Variants in MCOLN2 observed in about 807,000 individuals in gnomAD.
MCOLN2 encodes the protein mucolipin TRP cation channel 2.
A neutral mutation model predicts 67.5 loss-of-function variants in MCOLN2; 57 were observed. That is an observed-to-expected ratio of 0.84 (90% CI 0.68 to 1.05). The LOEUF (loss-of-function observed/expected upper bound fraction) is 1.05, where lower values mean the gene tolerates loss of function less well. MCOLN2 is among the 50% of genes least tolerant of loss of function. MCOLN2 has a pLI of 0.00. For missense variants in MCOLN2, 620 were observed against 678.8 expected (o/e 0.91, Z 0.96); for synonymous variants, 246 against 233.3 (o/e 1.05, Z -0.50).
At chr1:84,939,455 G>A (rs1352090097) in intron 9 of MCOLN2, 98 bp downstream of exon 9, 6 of 1,209,286 alleles carry the variant, frequency 5.0e-6, no homozygotes, top group African/African-American at 3.1e-5. Context: ...GGGAAGACAC[G>A]AGAATCAAAG....
rs145960321 is a variant in MCOLN2 at position 84,971,591 on chromosome 1, CAAAGT to C, written c.78-5888_78-5884del. Among the ~76,000 whole-genome samples, 600 of 150,256 alleles carry C rather than the reference CAAAGT, an allele frequency of 4.0e-3. 2 individuals are homozygous for C. The highest frequency in any genetic ancestry group is 0.014 in the African/African-American group (560 of 40,808). ...AAAATAAAATGGTATAAAAATGGTG[CAAAGT>C]AAAGAGGGAAAAAAATTTTAAAACA... On this transcript the variant is annotated intron_variant, in intron 1 of 13. Transcript: ENST00000370608.
chr1:84,987,325 GATAT>G (rs1216684750), intron 1 of MCOLN2, among the ~76,000 whole-genome samples: 17 of 133,776 alleles, frequency 1.3e-4, no homozygotes, highest in Non-Finnish European at 1.9e-4. Context: ...TATGTATATA[GATAT>G]ATAGATATAT....
intron 1 of MCOLN2, among the ~76,000 whole-genome samples, chr1:84,980,339 G>T (rs1650194739): frequency 1.3e-5 from 2 of 151,842 alleles, no homozygotes; most frequent in African/African-American, 4.8e-5. Context: ...GAACCACAAA[G>T]AACCCAGAAT....
intron 7 of MCOLN2, among the ~76,000 whole-genome samples, chr1:84,941,370 G>A (rs1025930911): frequency 3.9e-5 from 6 of 152,126 alleles, no homozygotes; most frequent in Non-Finnish European, 5.9e-5. Flanking sequence ...GGTGGCAGGC[G>A]CCTGTAGTCC....
chr1:84,952,401 TC>T lies in MCOLN2; in HGVS notation c.650+44del, dbSNP rs369522751. 2.6e-6 allele frequency: 4 copies of T among 1,567,408 alleles called. No homozygotes were observed. In the African/African-American group the frequency reaches 4.1e-5, roughly 16 times the overall value. On this transcript the variant is annotated intron_variant, in intron 5 of 13. Coordinates refer to ENST00000370608, the MANE Select transcript of MCOLN2 (RefSeq NM_153259.4). The stretch of plus-strand genomic sequence containing the variant: ...ATCTTACTATATACTATTCTCCTTC[TC>T]CCACCCTCATCTCTTAGGGAATAAC...
chr1:84,971,499 TACACAC>T (rs71097870), intron 1 of MCOLN2, among the ~76,000 whole-genome samples: 19,386 of 132,156 alleles, frequency 0.15, 1,325 homozygotes, highest in East Asian at 0.22. Context: ...TAAACAGACA[TACACAC>T]ACACACACAC....
intron 1 of MCOLN2, among the ~76,000 whole-genome samples, chr1:84,966,532 T>C (rs757497139): frequency 6.6e-6 from 1 of 152,216 alleles, no homozygotes; most frequent in Admixed American, 6.5e-5. Flanking sequence ...TAGATTGTTA[T>C]GGAAGAAGAG....
At chr1:84,989,607 T>C (rs1030673548) in intron 1 of MCOLN2, among the ~76,000 whole-genome samples, 3 of 152,110 alleles carry the variant, frequency 2.0e-5, no homozygotes, top group Non-Finnish European at 2.9e-5. Context: ...TAGTATAATA[T>C]ATAGGATTTT....
chr1:84,952,577 G>A (rs1557643606), intron 4 of MCOLN2, 47 bp from the exon 5 acceptor site: 2 of 1,274,750 alleles, frequency 1.6e-6, no homozygotes, highest in Non-Finnish European at 2.3e-6. Context: ...GCAAGAATTA[G>A]GTGCTAAAAC....
At chr1:84,958,409 C>A in intron 3 of MCOLN2, 120 bp downstream of exon 3, 1 of 726,220 alleles carries the variant, frequency 1.4e-6, no homozygotes, top group Non-Finnish European at 2.1e-6. Context: ...CATTTTTTGG[C>A]AGACTGCAAA....
intron 1 of MCOLN2, among the ~76,000 whole-genome samples, chr1:84,982,128 G>A (rs1650291276): frequency 6.7e-6 from 1 of 149,984 alleles, no homozygotes; most frequent in Admixed American, 6.6e-5. Flanking sequence ...AAAAGAAGCT[G>A]GGGTGGGGGG....
intron 3 of MCOLN2, among the ~76,000 whole-genome samples, chr1:84,957,730 T>C (rs1648868900): frequency 6.6e-6 from 1 of 152,214 alleles, no homozygotes; most frequent in East Asian, 1.9e-4. Flanking sequence ...GTTTTTTGTG[T>C]GGTATTCTCA....
intron 13 of MCOLN2, among the ~76,000 whole-genome samples, chr1:84,927,426 T>C (rs940463951): frequency 6.6e-6 from 1 of 152,202 alleles, no homozygotes; most frequent in Non-Finnish European, 1.5e-5. Flanking sequence ...CACATCGCTT[T>C]AGAACTGGAA....
At chr1:84,951,157 C>T (rs76624861) in intron 6 of MCOLN2, among the ~76,000 whole-genome samples, 7,451 of 152,210 alleles carry the variant, frequency 0.049, 248 homozygotes, top group Non-Finnish European at 0.074. Flanking sequence ...ACTTTTATTT[C>T]GTTTACTTGT....
rs756719527 is a variant in MCOLN2, at chr1:84,931,413, C to T, written c.1491G>A (p.Met497Ile). The T allele has an allele frequency of 6.3e-7, 1 of 1,597,450 alleles. No homozygotes were observed. The highest frequency in any genetic ancestry group is 2.2e-5 in the East Asian group (1 of 44,758). ...LYSFISLFIY[M>I]ILSLFIALIT... ...TAAGTGCAATAAAAAGACTGAGAAT[C>T]ATATATATAAAAAGGCTGATGAAGG... is the stretch of plus-strand genomic sequence containing the variant. Residue 497 changes from methionine (M) to isoleucine (I), a missense_variant, in exon 12 of 14, where the codon ATG becomes ATA. Physicochemically the swap from Met to Ile is conservative, Grantham distance 10. Coordinates refer to ENST00000370608, the MANE Select transcript of MCOLN2 (RefSeq NM_153259.4).
At position 84,987,535 on chromosome 1, in the gene MCOLN2, T is replaced by G. The variant is rs1557665791; in HGVS notation, c.77+9261A>C. ...ACATATGTATATATGTATACATCTA[T>G]GTATACATAGATGTATACATCTATG... On this transcript the variant is annotated intron_variant, in intron 1 of 13. Coordinates refer to ENST00000370608, the MANE Select transcript of MCOLN2 (RefSeq NM_153259.4). Among the ~76,000 whole-genome samples the G allele has an allele frequency of 2.2e-4, 11 of 51,036 alleles. 3 individuals are homozygous for G. Among genetic ancestry groups the G allele is most frequent in the Non-Finnish European group, 4.7e-4 (11 of 23,598 alleles). 33.5% of individuals were successfully genotyped at this position (51,036 alleles called of 152,430 possible). A position where few individuals can be genotyped will look rare whatever the true frequency, so the allele number is the denominator to read the frequency against.
At chr1:84,928,602 C>T (rs778990012) in intron 13 of MCOLN2, among the ~76,000 whole-genome samples, 3 of 152,116 alleles carry the variant, frequency 2.0e-5, no homozygotes, top group Non-Finnish European at 4.4e-5. Context: ...TACAAGGTAC[C>T]TCTTAGGAGG....
intron 1 of MCOLN2, among the ~76,000 whole-genome samples, chr1:84,987,623 C>CATATATATGTTT (rs1650672107): frequency 1.1e-5 from 1 of 95,212 alleles, no homozygotes; most frequent in Non-Finnish European, 2.2e-5. Context: ...TCTATATATA[C>CATATATATGTTT]ATATGTATAT....
intron 1 of MCOLN2, among the ~76,000 whole-genome samples, chr1:84,986,169 G>A (rs1650495916): frequency 6.6e-6 from 1 of 152,094 alleles, no homozygotes; most frequent in Non-Finnish European, 1.5e-5. Flanking sequence ...CTTCGACAAA[G>A]CAAACAAAAC....
Sources: allele counts gnomAD v4.1 joint callset (sites outside exome capture counted in the v4.1 genomes callset), GRCh38; gene constraint gnomAD v4.1.1; transcripts MANE v1.5; gene names NCBI Gene and HGNC (gene_info 2026-07-23, HGNC 2026-07-21).